GRID2: variants seen among roughly 807,000 people sequenced by gnomAD.
GRID2 encodes the protein glutamate receptor ionotropic, delta-2.
In GRID2, 33 loss-of-function variants were observed where a neutral mutation model predicts 114.8. The ratio of observed to expected loss-of-function variants is 0.29; its 90% CI spans 0.22 to 0.38. GRID2 has a LOEUF of 0.38. GRID2 is among the 10% of genes least tolerant of loss of function. GRID2 has a pLI of 1.00. For synonymous variants in GRID2, 505 were observed against 449.9 expected (o/e 1.12, Z -1.55); for missense variants, 1,184 against 1,257.7 (o/e 0.94, Z 0.89).
intron 9 of GRID2, among the ~76,000 whole-genome samples, chr4:93,399,152 G>A (rs754410004): frequency 1.2e-4 from 18 of 151,806 alleles, no homozygotes; most frequent in Non-Finnish European, 2.2e-4. Flanking sequence ...AAGTATTTAC[G>A]TCCAACACTT....
chr4:93,422,634 A>G (rs1022895009), intron 9 of GRID2, 137 bp from the exon 10 acceptor site: 9 of 609,326 alleles, frequency 1.5e-5, no homozygotes, highest in African/African-American at 1.9e-5. Context: ...TTAATAATGC[A>G]TAAGTTATAT....
chr4:92,416,070 T>A (rs1731598988), intron 1 of GRID2, among the ~76,000 whole-genome samples: 1 of 152,068 alleles, frequency 6.6e-6, no homozygotes. Context: ...AATATCTGTT[T>A]ATTTTTTAAT....
chr4:92,683,639 T>A (rs1389735944), intron 2 of GRID2, among the ~76,000 whole-genome samples: 1 of 151,850 alleles, frequency 6.6e-6, no homozygotes, highest in East Asian at 1.9e-4. Context: ...TATATAGTTA[T>A]CTTTAGTTTT....
At chr4:93,152,496 T>C (rs1579129838) in intron 4 of GRID2, among the ~76,000 whole-genome samples, 1 of 152,100 alleles carries the variant, frequency 6.6e-6, no homozygotes, top group Non-Finnish European at 1.5e-5. Flanking sequence ...ATCAAAGAAG[T>C]ACAAAATATT....
intron 14 of GRID2, among the ~76,000 whole-genome samples, chr4:93,705,312 G>GTTT (rs1727895980): frequency 6.7e-6 from 1 of 150,228 alleles, no homozygotes; most frequent in Non-Finnish European, 1.5e-5. Flanking sequence ...TGTTGTTGTT[G>GTTT]TTTTGTTTCT....
intron 8 of GRID2, among the ~76,000 whole-genome samples, chr4:93,274,795 T>A (rs952843705): frequency 1.8e-4 from 28 of 152,066 alleles, no homozygotes; most frequent in African/African-American, 6.8e-4. Context: ...GAAAAAGACA[T>A]CATGTACGTG....
rs550917162 is a variant in GRID2, at chr4:93,310,637, C to G, written c.1245+72147C>G. Among the ~76,000 whole-genome samples, 185 of 152,206 alleles carry G rather than the reference C, an allele frequency of 1.2e-3. 1 individual carries two copies. The highest frequency in any genetic ancestry group is 2.2e-3 in the Non-Finnish European group (149 of 68,012). On this transcript the variant is annotated intron_variant, in intron 8 of 15. Coordinates refer to ENST00000282020, the MANE Select transcript of GRID2 (RefSeq NM_001510.4). ...AATTGAGTTGAAAGTGTTGAATTCC[C>G]CAGATTACAAAAGAACAACCTGTTA...
chr4:93,146,490 A>G (rs1339050050), intron 4 of GRID2, among the ~76,000 whole-genome samples: 2 of 152,168 alleles, frequency 1.3e-5, no homozygotes, highest in African/African-American at 4.8e-5. Flanking sequence ...TGATCTTCTT[A>G]AAATGGAATT....
chr4:92,434,292 A>T (rs79668102), intron 1 of GRID2, among the ~76,000 whole-genome samples: 2 of 152,178 alleles, frequency 1.3e-5, no homozygotes, highest in Admixed American at 1.3e-4. Flanking sequence ...AAGCAATTTT[A>T]TAAGTTTGTA....
At chr4:92,878,695 A>C (rs1745795433) in intron 2 of GRID2, among the ~76,000 whole-genome samples, 1 of 152,114 alleles carries the variant, frequency 6.6e-6, no homozygotes, top group Non-Finnish European at 1.5e-5. Flanking sequence ...GTATTCTTTT[A>C]GCAAATATTT....
intron 2 of GRID2, among the ~76,000 whole-genome samples, chr4:92,856,294 A>G (rs1387206275): frequency 2.0e-5 from 3 of 151,954 alleles, no homozygotes; most frequent in African/African-American, 4.8e-5. Context: ...TATACCCACT[A>G]TCTAATATCA....
intron 14 of GRID2, among the ~76,000 whole-genome samples, chr4:93,761,279 T>C (rs1180092218): frequency 2.0e-5 from 3 of 152,224 alleles, no homozygotes; most frequent in Non-Finnish European, 2.9e-5. Context: ...TTTCCAATGA[T>C]TGGACTTGCT....
intron 2 of GRID2, among the ~76,000 whole-genome samples, chr4:92,738,650 C>CTTTTTAT (rs1409682515): frequency 6.6e-6 from 1 of 151,712 alleles, no homozygotes; most frequent in South Asian, 2.1e-4. Context: ...CTGATTTTCC[C>CTTTTTAT]TTTTTATTTT....
At chr4:93,769,924 C>T (rs1420081821) in intron 15 of GRID2, among the ~76,000 whole-genome samples, 1 of 152,162 alleles carries the variant, frequency 6.6e-6, no homozygotes, top group Non-Finnish European at 1.5e-5. Context: ...TCCTTCTCTA[C>T]TCATGTAGAC....
chr4:92,411,866 C>T (rs1467041559), intron 1 of GRID2, among the ~76,000 whole-genome samples: 1 of 151,212 alleles, frequency 6.6e-6, no homozygotes, highest in African/African-American at 2.4e-5. Flanking sequence ...CCACCACGCC[C>T]GGCTAATTTT....
chr4:92,422,696 C>T (rs899380328), intron 1 of GRID2, among the ~76,000 whole-genome samples: 2 of 152,092 alleles, frequency 1.3e-5, no homozygotes, highest in Non-Finnish European at 2.9e-5. Flanking sequence ...ATATCTCAAG[C>T]ACTGATCTAG....
chr4:93,450,114 A>G (rs1722537062), intron 10 of GRID2, among the ~76,000 whole-genome samples: 1 of 151,970 alleles, frequency 6.6e-6, no homozygotes, highest in African/African-American at 2.4e-5. Context: ...TGTATAATTT[A>G]TATCAATTGA....
chr4:93,727,224 T>C (rs1032396513), intron 14 of GRID2, among the ~76,000 whole-genome samples: 7 of 152,230 alleles, frequency 4.6e-5, no homozygotes, highest in African/African-American at 1.7e-4. Flanking sequence ...AAAGGCCTTT[T>C]CTGCATCTAT....
intron 2 of GRID2, among the ~76,000 whole-genome samples, chr4:92,843,008 G>A (rs1483481968): frequency 6.6e-6 from 1 of 152,132 alleles, no homozygotes; most frequent in African/African-American, 2.4e-5. Context: ...GCAGGCCAAG[G>A]CTGGAGGATC....
Sources: gnomAD v4.1 joint callset for allele counts (sites outside exome capture counted in the v4.1 genomes callset) on GRCh38, gnomAD v4.1.1 for gene constraint, MANE v1.5 for transcripts, NCBI Gene and HGNC (gene_info 2026-07-23, HGNC 2026-07-21) for gene names.